GABRB1: variants seen among roughly 807,000 people sequenced by gnomAD.
GABRB1 encodes gamma-aminobutyric acid type A receptor subunit beta1.
GABRB1 carries 17 observed loss-of-function variants against 51.6 expected under a neutral mutation model. The ratio of observed to expected loss-of-function variants is 0.33; its 90% CI spans 0.23 to 0.49. The LOEUF (loss-of-function observed/expected upper bound fraction) is 0.49. Ranked by LOEUF, GABRB1 falls within the 20% of genes least tolerant of loss-of-function variation. The pLI, the probability that GABRB1 is intolerant of heterozygous loss-of-function variation, is 0.99. For synonymous variants in GABRB1, 247 were observed against 218.9 expected (o/e 1.13, Z -1.14); for missense variants, 410 against 600.6 (o/e 0.68, Z 3.32).
chr4:47,370,642 T>G (rs1333911448), intron 5 of GABRB1, among the ~76,000 whole-genome samples: 1 of 152,228 alleles, frequency 6.6e-6, no homozygotes, highest in Non-Finnish European at 1.5e-5. Flanking sequence ...GTAATTGCTA[T>G]GAGCACCAAA....
chr4:47,348,487 G>T (rs920920043), intron 5 of GABRB1, among the ~76,000 whole-genome samples: 2 of 152,144 alleles, frequency 1.3e-5, no homozygotes, highest in Non-Finnish European at 2.9e-5. Flanking sequence ...CAGCATGTAT[G>T]TATATGGTAT....
intron 3 of GABRB1, among the ~76,000 whole-genome samples, chr4:47,154,851 T>C (rs1717620462): frequency 6.6e-6 from 1 of 152,106 alleles, no homozygotes; most frequent in Non-Finnish European, 1.5e-5. Context: ...ATTTTCTTTC[T>C]TTCTCTACAG....
At chr4:47,150,167 TACACACACACACACAACACACACACAC>T (rs1560559089) in intron 3 of GABRB1, among the ~76,000 whole-genome samples, 1 of 140,716 alleles carries the variant, frequency 7.1e-6, no homozygotes, top group Non-Finnish European at 1.5e-5. Flanking sequence ...CCTATGCTTA[TACACACACACACACAACACACACACAC>T]ACACACACAC....
At chr4:47,323,792 G>A (rs1426449221) in intron 5 of GABRB1, among the ~76,000 whole-genome samples, 1 of 152,138 alleles carries the variant, frequency 6.6e-6, no homozygotes, top group Non-Finnish European at 1.5e-5. Context: ...TGTTTAACTT[G>A]ATGTCATCTA....
chr4:47,275,398 C>T (rs1723037495), intron 4 of GABRB1, among the ~76,000 whole-genome samples: 1 of 152,108 alleles, frequency 6.6e-6, no homozygotes, highest in Non-Finnish European at 1.5e-5. Flanking sequence ...CGTTCCTGTC[C>T]TCATTCAGCT....
At chr4:47,089,579 T>C (rs1395773726) in intron 3 of GABRB1, among the ~76,000 whole-genome samples, 2 of 152,148 alleles carry the variant, frequency 1.3e-5, no homozygotes, top group South Asian at 4.1e-4. Flanking sequence ...ATTAGGAGGA[T>C]TTAAATAGGA....
At chr4:47,425,520 C>A (rs28432866) in intron 8 of GABRB1, among the ~76,000 whole-genome samples, 154 bp from the exon 9 acceptor site, 16,621 of 71,978 alleles carry the variant, frequency 0.23, 1,504 homozygotes, top group African/African-American at 0.41. Context: ...ATAGATAGAT[C>A]GATCGATCTA....
Position 47,359,487 on chromosome 4 carries a change from C to T in GABRB1, c.544+39278C>T, listed in dbSNP as rs771197857. The stretch of plus-strand genomic sequence containing the variant: ...CCTAAAAGTTAAATCAGCTTCCCAA[C>T]GTGCCTAATAATCATAGAGAGTACT... On this transcript the variant is annotated intron_variant, in intron 5 of 8. Transcript: ENST00000295454. Among the ~76,000 whole-genome samples the T allele has an allele frequency of 4.6e-5, 7 of 152,122 alleles. No individual in the cohort carries two copies. The South Asian group carries it at 8.3e-4, about 18-fold the overall frequency.
intron 1 of GABRB1, among the ~76,000 whole-genome samples, chr4:46,999,941 C>T (rs1724127323): frequency 6.6e-6 from 1 of 152,210 alleles, no homozygotes; most frequent in African/African-American, 2.4e-5. Context: ...TTTCCTTCCA[C>T]CAATCTCCTG....
chr4:47,425,595 G>C, intron 8 of GABRB1, 79 bp from the exon 9 acceptor site: 1 of 1,065,274 alleles, frequency 9.4e-7, no homozygotes, highest in South Asian at 1.5e-5. Flanking sequence ...GAGCCTTATG[G>C]GGTATCATTA....
Position 47,110,977 on chromosome 4 carries a change from T to C in GABRB1, c.241-50272T>C, listed in dbSNP as rs186735749. On this transcript the variant is annotated intron_variant, in intron 3 of 8. Coordinates refer to ENST00000295454, the MANE Select transcript of GABRB1 (RefSeq NM_000812.4). ...TTAGATTATAATTGCAAATAAGGTT[T>C]ACAAAAAAGGATATTATAACATAAG... Among the ~76,000 whole-genome samples the C allele has an allele frequency of 3.3e-5, 5 of 152,272 alleles. No homozygotes were observed. The East Asian group carries it at 7.7e-4, about 24-fold the overall frequency.
At chr4:47,094,525 A>G (rs1441559993) in intron 3 of GABRB1, among the ~76,000 whole-genome samples, 1 of 152,022 alleles carries the variant, frequency 6.6e-6, no homozygotes, top group Non-Finnish European at 1.5e-5. Flanking sequence ...ACCCAGCCCA[A>G]AAAGTTAATT....
At chr4:47,264,598 G>T (rs1265355268) in intron 4 of GABRB1, among the ~76,000 whole-genome samples, 1 of 152,200 alleles carries the variant, frequency 6.6e-6, no homozygotes, top group Non-Finnish European at 1.5e-5. Flanking sequence ...TGCAAACCAT[G>T]AGATGAAAAC....
At chr4:47,028,436 A>T (rs114181896), upstream of GABRB1, among the ~76,000 whole-genome samples, 1,243 of 151,892 alleles carry the variant, frequency 8.2e-3, 14 homozygotes, top group African/African-American at 0.028. Flanking sequence ...TGCTTGTTAC[A>T]ATTGTTTGCT....
chr4:47,096,870 C>G (rs1306715753), intron 3 of GABRB1, among the ~76,000 whole-genome samples: 2 of 152,154 alleles, frequency 1.3e-5, no homozygotes, highest in African/African-American at 2.4e-5. Context: ...GAGCCTCCAT[C>G]CAGAAAGGAG....
At chr4:47,299,119 C>T (rs1456922893) in intron 4 of GABRB1, among the ~76,000 whole-genome samples, 1 of 151,698 alleles carries the variant, frequency 6.6e-6, no homozygotes, top group Non-Finnish European at 1.5e-5. Flanking sequence ...AATGTTAGAC[C>T]TAAAACCATA....
intron 8 of GABRB1, among the ~76,000 whole-genome samples, chr4:47,418,005 A>T (rs1728983523): frequency 6.6e-6 from 1 of 152,196 alleles, no homozygotes; most frequent in South Asian, 2.1e-4. Context: ...AGTGAGTGAG[A>T]TGGAAGGGGT....
chr4:47,034,892 T>C (rs917364046), intron 3 of GABRB1, among the ~76,000 whole-genome samples: 3 of 152,192 alleles, frequency 2.0e-5, no homozygotes, highest in African/African-American at 7.2e-5. Flanking sequence ...ACTTATTGCT[T>C]ATTGCTTTTT....
At chr4:47,406,965 T>G (rs980422200) in intron 8 of GABRB1, 39 bp downstream of exon 8, 5 of 1,586,180 alleles carry the variant, frequency 3.2e-6, no homozygotes, top group Non-Finnish European at 4.3e-6. Context: ...TCTTGTTAAA[T>G]TTATCAGCAT....
Sources: gnomAD v4.1 joint callset for allele counts (sites outside exome capture counted in the v4.1 genomes callset) on GRCh38, gnomAD v4.1.1 for gene constraint, MANE v1.5 for transcripts, NCBI Gene and HGNC (gene_info 2026-07-23, HGNC 2026-07-21) for gene names.